Variants in FAM178B observed in about 807,000 individuals in gnomAD.
FAM178B encodes protein FAM178B.
A neutral mutation model predicts 91.7 loss-of-function variants in FAM178B; 82 were observed. The observed-to-expected ratio is 0.89, with a 90% CI of 0.75 to 1.07. FAM178B has a LOEUF of 1.07. Among genes scored for constraint, FAM178B ranks in the 50% least tolerant of loss-of-function variants. The pLI, the probability that FAM178B is intolerant of heterozygous loss-of-function variation, is 0.00. For missense variants in FAM178B, 769 were observed against 846.7 expected, an observed-to-expected ratio of 0.91 and a Z score of 1.14; for synonymous variants, 368 against 359.4, an observed-to-expected ratio of 1.02 and a Z score of -0.27.
At chr2:96,881,020 G>T (rs911204878) in intron 14 of FAM178B, among the ~76,000 whole-genome samples, 1 of 152,100 alleles carries the variant, frequency 6.6e-6, no homozygotes, top group Non-Finnish European at 1.5e-5. Context: ...TGGGCAAGGT[G>T]GTTCACGCCT....
chr2:96,958,401 T>G (rs927838211), intron 6 of FAM178B, among the ~76,000 whole-genome samples: 1 of 150,820 alleles, frequency 6.6e-6, no homozygotes. Context: ...CTAAAGAAAA[T>G]TGAAGGCCAG....
At chr2:96,933,298 C>G (rs1257498693) in intron 8 of FAM178B, among the ~76,000 whole-genome samples, 1 of 152,086 alleles carries the variant, frequency 6.6e-6, no homozygotes, top group Non-Finnish European at 1.5e-5. Flanking sequence ...AGCCCAAAGA[C>G]TCTGGGCTCT....
chr2:96,899,851 CTTTTTTTTTTT>C (rs78433909), intron 13 of FAM178B, among the ~76,000 whole-genome samples: 10 of 113,510 alleles, frequency 8.8e-5, no homozygotes, highest in East Asian at 5.9e-4. Context: ...ATTCCCCACT[CTTTTTTTTTTT>C]TTTTTTTTTT....
At chr2:96,890,683 C>T (rs193198209) in intron 14 of FAM178B, among the ~76,000 whole-genome samples, 26 of 152,144 alleles carry the variant, frequency 1.7e-4, no homozygotes, top group African/African-American at 2.4e-5. Context: ...TTTCTGCCTG[C>T]GGCCAAAAGA....
At chr2:96,916,706 A>G (rs142821595) in intron 12 of FAM178B, among the ~76,000 whole-genome samples, 4 of 152,054 alleles carry the variant, frequency 2.6e-5, no homozygotes, top group Non-Finnish European at 5.9e-5. Flanking sequence ...TTCATTTTTC[A>G]TGGTTAGGCC....
intron 1 of FAM178B, among the ~76,000 whole-genome samples, 156 bp downstream of exon 1, chr2:96,986,085 G>T (rs761640041): frequency 6.6e-5 from 10 of 152,210 alleles, no homozygotes; most frequent in Non-Finnish European, 1.2e-4. Flanking sequence ...CCCGAACCAC[G>T]CGGGGTCGCA....
Position 96,878,141 on chromosome 2 carries a change from C to T in FAM178B, c.1855-99G>A, listed in dbSNP as rs1369329759. The T allele has an allele frequency of 4.6e-6, 6 of 1,301,508 alleles. No homozygotes were observed. In the Admixed American group the frequency reaches 7.0e-5, roughly 15 times the overall value. The allele number at this position is 1,301,508 out of a possible 1,614,324, so 80.6% of individuals were successfully genotyped here. ...ACAAATTCAGAGAAAGGAAGGGGCA[C>T]ATTTGAGTGACTGTTCAGAAGTTGA... On this transcript the variant is annotated intron_variant, in intron 15 of 16. Coordinates refer to ENST00000490605, the MANE Select transcript of FAM178B (RefSeq NM_001122646.3).
At chr2:96,956,210 T>A in intron 6 of FAM178B, among the ~76,000 whole-genome samples, 1 of 152,222 alleles carries the variant, frequency 6.6e-6, no homozygotes, top group Non-Finnish European at 1.5e-5. Context: ...GATTTCCTTT[T>A]GAATTACTGT....
At chr2:96,898,487 G>C (rs190572269) in intron 13 of FAM178B, among the ~76,000 whole-genome samples, 1 of 152,070 alleles carries the variant, frequency 6.6e-6, no homozygotes, top group Admixed American at 6.6e-5. Context: ...AAACCCTGCC[G>C]CTAAAAAAAT....
chr2:96,890,948 G>C (rs548933586), intron 14 of FAM178B, among the ~76,000 whole-genome samples: 1 of 152,266 alleles, frequency 6.6e-6, no homozygotes, highest in Admixed American at 6.5e-5. Flanking sequence ...GCATGCACAG[G>C]GCCATAGATA....
chr2:96,948,263 C>T (rs936540564), intron 7 of FAM178B, among the ~76,000 whole-genome samples: 2 of 152,218 alleles, frequency 1.3e-5, no homozygotes, highest in African/African-American at 4.8e-5. Context: ...CAGGGCCCAG[C>T]GTAAGGGGAG....
chr2:96,952,401 G>A (rs1468241917), intron 6 of FAM178B, among the ~76,000 whole-genome samples: 4 of 152,108 alleles, frequency 2.6e-5, no homozygotes, highest in African/African-American at 7.2e-5. Context: ...GGATGGGGGC[G>A]TGCTCAGACC....
intron 4 of FAM178B, among the ~76,000 whole-genome samples, chr2:96,970,466 C>T (rs963349394): frequency 1.3e-5 from 2 of 152,174 alleles, no homozygotes; most frequent in East Asian, 3.8e-4. Context: ...AGGAGTTGGG[C>T]AGAATGGAGC....
intron 13 of FAM178B, among the ~76,000 whole-genome samples, chr2:96,902,245 AC>A (rs2080948473): frequency 6.6e-6 from 1 of 152,006 alleles, no homozygotes; most frequent in South Asian, 2.1e-4. Context: ...AGCTGGGACT[AC>A]AGGCACCCGC....
At chr2:96,940,639 G>C (rs543329683) in intron 8 of FAM178B, among the ~76,000 whole-genome samples, 1 of 152,296 alleles carries the variant, frequency 6.6e-6, no homozygotes, top group South Asian at 2.1e-4. Context: ...AAGTAGATCA[G>C]TGGTTTCCTA....
chr2:96,901,842 A>C (rs1318657335), intron 13 of FAM178B, among the ~76,000 whole-genome samples: 1 of 152,142 alleles, frequency 6.6e-6, no homozygotes, highest in African/African-American at 2.4e-5. Context: ...TAAATAAATG[A>C]ATTTAATTCA....
At chr2:96,884,860 G>C (rs1424017471) in intron 14 of FAM178B, among the ~76,000 whole-genome samples, 1 of 152,260 alleles carries the variant, frequency 6.6e-6, no homozygotes, top group Non-Finnish European at 1.5e-5. Flanking sequence ...GACTTGGGAA[G>C]TGACTCTGAC....
chr2:96,881,194 T>C (rs1254023802), intron 14 of FAM178B, among the ~76,000 whole-genome samples: 1 of 142,956 alleles, frequency 7.0e-6, no homozygotes. Flanking sequence ...CACTTGAGCC[T>C]GGGAGGTTGA....
At chr2:96,960,840 G>A (rs543964933) in intron 5 of FAM178B, among the ~76,000 whole-genome samples, 2 of 152,334 alleles carry the variant, frequency 1.3e-5, no homozygotes, top group South Asian at 4.1e-4. Context: ...CTACAGGGCG[G>A]CTCCATAAGG....
Sources: allele counts gnomAD v4.1 joint callset (sites outside exome capture counted in the v4.1 genomes callset), GRCh38; gene constraint gnomAD v4.1.1; transcripts MANE v1.5; gene names NCBI Gene and HGNC (gene_info 2026-07-23, HGNC 2026-07-21).